Variants in JADE3 observed in about 807,000 individuals in gnomAD.
JADE3 encodes the protein protein Jade-3.
In JADE3, 2 loss-of-function variants were observed where a neutral mutation model predicts 50.1. The ratio of observed to expected loss-of-function variants is 0.04; its 90% CI spans 0.02 to 0.13. The LOEUF (loss-of-function observed/expected upper bound fraction) is 0.13, where lower values mean the gene tolerates loss of function less well. Among genes scored for constraint, JADE3 ranks in the 10% least tolerant of loss-of-function variants. The pLI is 1.00. For synonymous variants in JADE3, 218 were observed against 232.9 expected (o/e 0.94, Z 0.58); for missense variants, 475 against 634.4 (o/e 0.75, Z 2.70).
intron 4 of JADE3, among the ~76,000 whole-genome samples, chrX:47,011,520 A>G (rs1556361639): frequency 9.0e-6 from 1 of 111,543 alleles, no homozygotes; most frequent in African/African-American, 3.3e-5. Context: ...TTGAGTGCAC[A>G]TATGTTTTCA....
chrX:47,031,407 C>T (rs1429258408), intron 6 of JADE3, among the ~76,000 whole-genome samples: 1 of 111,558 alleles, frequency 9.0e-6, no homozygotes, highest in Admixed American at 9.5e-5. Flanking sequence ...TTTTATCCAA[C>T]CACCTACTCA....
chrX:46,932,610 A>G (rs1469938803), intron 1 of JADE3, among the ~76,000 whole-genome samples: 1 of 111,952 alleles, frequency 8.9e-6, no homozygotes, highest in Admixed American at 9.5e-5. Flanking sequence ...ACATTCTACA[A>G]CATTGCCTGT....
chrX:46,994,106 T>C (rs782466987), intron 3 of JADE3, among the ~76,000 whole-genome samples: 9 of 112,274 alleles, frequency 8.0e-5, no homozygotes, highest in Non-Finnish European at 1.7e-4. Flanking sequence ...ACTTTTCCTA[T>C]GAAAAATGTC....
At chrX:47,021,499 G>A (rs1306580927) in intron 4 of JADE3, among the ~76,000 whole-genome samples, 1 of 111,139 alleles carries the variant, frequency 9.0e-6, no homozygotes. Flanking sequence ...GTATGTGTAC[G>A]TTCAGCTATA....
intron 1 of JADE3, among the ~76,000 whole-genome samples, chrX:46,952,779 C>T (rs1030418781): frequency 1.9e-4 from 21 of 111,870 alleles, no homozygotes; most frequent in African/African-American, 6.8e-4. Flanking sequence ...GTATGGATCA[C>T]GTGAGGTCAG....
At chrX:47,004,849 A>T (rs1208506751) in intron 4 of JADE3, among the ~76,000 whole-genome samples, 1 of 112,578 alleles carries the variant, frequency 8.9e-6, no homozygotes, top group African/African-American at 3.2e-5. Context: ...TTGAATTTAC[A>T]TGTATAGAAT....
chrX:46,931,390 C>T (rs1556339858), intron 1 of JADE3, among the ~76,000 whole-genome samples: 1 of 110,881 alleles, frequency 9.0e-6, no homozygotes, highest in East Asian at 2.8e-4. Flanking sequence ...TTTAACTGTA[C>T]GTTAAAAAGG....
chrX:47,022,770 A>G (rs1320282976), intron 4 of JADE3, among the ~76,000 whole-genome samples: 4 of 111,632 alleles, frequency 3.6e-5, no homozygotes, highest in African/African-American at 9.8e-5. Flanking sequence ...GGCCTCATAC[A>G]GTATTTAAAC....
chrX:47,025,832 T>C (rs1467090977), intron 5 of JADE3, among the ~76,000 whole-genome samples: 2 of 112,242 alleles, frequency 1.8e-5, no homozygotes, highest in African/African-American at 6.5e-5. Flanking sequence ...GAATCACATT[T>C]GTTCATTGTT....
intron 1 of JADE3, among the ~76,000 whole-genome samples, chrX:46,922,486 A>G (rs2147103091): frequency 9.1e-6 from 1 of 109,961 alleles, no homozygotes; most frequent in East Asian, 2.8e-4. Flanking sequence ...TCTAATTACA[A>G]GTGTGTTATA....
chrX:46,986,599 C>T (rs1910114403), intron 3 of JADE3, among the ~76,000 whole-genome samples: 1 of 111,909 alleles, frequency 8.9e-6, no homozygotes, highest in Admixed American at 9.5e-5. Flanking sequence ...AGAGATAGTA[C>T]AGAAAGGTAT....
rs782520405 is a variant in JADE3 at position 47,024,789 on chromosome X, G to A, written c.350G>A (p.Ser117Asn). ...CCCCGGAAGTATATTCACTGCTCCA[G>A]CCCAGACACCACAGAGCCTGGCTAC... ...IRPRKYIHCS[S>N]PDTTEPGYIN... is the part of the protein sequence containing the mutation. The change falls in exon 5 of 11, where the codon AGC becomes AAC. Residue 117 changes from serine (S) to asparagine (N), a missense_variant. Physicochemically the swap from Ser to Asn is conservative, Grantham distance 46. Transcript: ENST00000614628. The A allele has an allele frequency of 5.2e-5, 62 of 1,195,767 alleles. No individual in the cohort carries two copies. In the South Asian group the frequency reaches 1.0e-3, roughly 20 times the overall value.
At position 46,998,086 on chromosome X, in the gene JADE3, T is replaced by C. The variant is rs189474777; in HGVS notation, c.127-34T>C. 38 of 1,153,507 alleles carry C rather than the reference T, an allele frequency of 3.3e-5. 1 individual carries two copies. In the African/African-American group the frequency reaches 6.6e-4, roughly 20 times the overall value. ...TTGAATGGTATCAGTTGCATAGTGA[T>C]GGTCTTCTCAAGATATGTGCAATAT... On this transcript the variant is annotated intron_variant, in intron 3 of 10. Coordinates refer to ENST00000614628, the MANE Select transcript of JADE3 (RefSeq NM_014735.5).
intron 1 of JADE3, among the ~76,000 whole-genome samples, chrX:46,918,922 G>T (rs1176705140): frequency 1.8e-5 from 2 of 112,579 alleles, no homozygotes; most frequent in East Asian, 5.5e-4. Context: ...AGTCATTGTG[G>T]GTGGTGACCA....
chrX:47,035,215 A>T (rs1556367663), intron 7 of JADE3, among the ~76,000 whole-genome samples: 1 of 111,251 alleles, frequency 9.0e-6, no homozygotes, highest in African/African-American at 3.3e-5. Context: ...AGACTGCAGA[A>T]TCTAGTTAAT....
At chrX:46,956,631 A>C (rs995911990) in intron 1 of JADE3, among the ~76,000 whole-genome samples, 53 of 109,860 alleles carry the variant, frequency 4.8e-4, no homozygotes, top group African/African-American at 1.6e-3. Context: ...GGCTCAAGCG[A>C]TCCTCCCACC....
intron 1 of JADE3, among the ~76,000 whole-genome samples, chrX:46,984,198 G>T (rs1927815743): frequency 8.9e-6 from 1 of 112,199 alleles, no homozygotes; most frequent in Admixed American, 9.4e-5. Flanking sequence ...GAAGGGTGAT[G>T]CTTCTTTTTT....
chrX:46,957,755 A>G (rs1927167814), intron 1 of JADE3, among the ~76,000 whole-genome samples: 1 of 112,295 alleles, frequency 8.9e-6, no homozygotes. Flanking sequence ...AACTTAGTCT[A>G]TCCTGATTGA....
chrX:46,995,029 ATTT>A (rs782296166), intron 3 of JADE3, among the ~76,000 whole-genome samples: 2 of 96,329 alleles, frequency 2.1e-5, no homozygotes, highest in African/African-American at 3.8e-5. Flanking sequence ...TTCCTTTAAG[ATTT>A]TTTTTTTTTT....
Sources: allele counts gnomAD v4.1 joint callset (sites outside exome capture counted in the v4.1 genomes callset), GRCh38; gene constraint gnomAD v4.1.1; transcripts MANE v1.5; gene names NCBI Gene and HGNC (gene_info 2026-07-23, HGNC 2026-07-21).